Variants in NTM observed in about 807,000 individuals in gnomAD.
The protein encoded by NTM is IgLON family member 2.
A neutral mutation model predicts 42.1 loss-of-function variants in NTM; 13 were observed. The ratio of observed to expected loss-of-function variants is 0.31; its 90% confidence interval spans 0.20 to 0.49. NTM has a LOEUF of 0.49. NTM is among the 20% of genes least tolerant of loss of function. The pLI, the probability that NTM is intolerant of heterozygous loss-of-function variation, is 0.99. For synonymous variants in NTM, 187 were observed against 179.2 expected (o/e 1.04, Z -0.35); for missense variants, 373 against 452.8 (o/e 0.82, Z 1.60).
At chr11:132,225,548 G>T (rs1458035289) in intron 4 of NTM, among the ~76,000 whole-genome samples, 3 of 152,194 alleles carry the variant, frequency 2.0e-5, no homozygotes, top group Non-Finnish European at 2.9e-5. Context: ...GCTCAGGGAA[G>T]TGATGTAGGA....
At chr11:132,092,994 T>C (rs1388718402) in intron 2 of NTM, among the ~76,000 whole-genome samples, 2 of 152,220 alleles carry the variant, frequency 1.3e-5, no homozygotes, top group Non-Finnish European at 2.9e-5. Flanking sequence ...CAATTCATTC[T>C]CCATGCTGCA....
chr11:131,809,011 T>C (rs892996), intron 1 of NTM, among the ~76,000 whole-genome samples: 124,562 of 152,216 alleles, frequency 0.82, 51,522 homozygotes, highest in African/African-American at 0.92. Context: ...AGACTTTTTA[T>C]GAACTGGAAA....
intron 1 of NTM, among the ~76,000 whole-genome samples, chr11:131,635,358 T>C (rs2064223363): frequency 6.6e-6 from 1 of 152,180 alleles, no homozygotes; most frequent in South Asian, 2.1e-4. Flanking sequence ...GACAGTGATA[T>C]TGATGATCCT....
chr11:131,814,996 T>C (rs2092891707), intron 1 of NTM, among the ~76,000 whole-genome samples: 1 of 152,152 alleles, frequency 6.6e-6, no homozygotes, highest in South Asian at 2.1e-4. Context: ...TTGATCTTCT[T>C]CATTTTGCCC....
intron 4 of NTM, among the ~76,000 whole-genome samples, chr11:132,277,332 G>A (rs1422209550): frequency 6.6e-6 from 1 of 152,106 alleles, no homozygotes; most frequent in Non-Finnish European, 1.5e-5. Flanking sequence ...CTAAGAAAAG[G>A]TTGCTTCAAA....
chr11:132,249,816 A>G (rs1402810375), intron 4 of NTM, among the ~76,000 whole-genome samples: 1 of 152,166 alleles, frequency 6.6e-6, no homozygotes, highest in Non-Finnish European at 1.5e-5. Flanking sequence ...CAATGTTTTT[A>G]CCTTCCCCCC....
intron 2 of NTM, among the ~76,000 whole-genome samples, chr11:132,081,641 A>G (rs1007100004): frequency 4.0e-5 from 6 of 151,432 alleles, no homozygotes; most frequent in African/African-American, 1.5e-4. Context: ...CCGAGGCAGG[A>G]GAATGGCGTG....
At chr11:131,557,838 G>C (rs1224505363) in intron 1 of NTM, among the ~76,000 whole-genome samples, 1 of 152,064 alleles carries the variant, frequency 6.6e-6, no homozygotes, top group East Asian at 1.9e-4. Flanking sequence ...GCTTACAATT[G>C]GAATATCAAA....
chr11:131,923,211 A>G (rs1337407060), intron 2 of NTM, among the ~76,000 whole-genome samples: 1 of 152,002 alleles, frequency 6.6e-6, no homozygotes, highest in African/African-American at 2.4e-5. Context: ...TTATTTATGT[A>G]TTTCTCATTT....
intron 1 of NTM, among the ~76,000 whole-genome samples, chr11:131,731,630 C>A (rs947025400): frequency 1.3e-5 from 2 of 152,176 alleles, no homozygotes; most frequent in Admixed American, 1.3e-4. Flanking sequence ...ATACGTTAAT[C>A]TTTTCAATTT....
chr11:131,401,155 A>G (rs1263608219), intron 1 of NTM, among the ~76,000 whole-genome samples: 1 of 152,158 alleles, frequency 6.6e-6, no homozygotes, highest in Non-Finnish European at 1.5e-5. Flanking sequence ...TTTAGCCTTT[A>G]ATTAAAAAAT....
At chr11:132,154,303 T>C (rs1488566386) in intron 3 of NTM, among the ~76,000 whole-genome samples, 1 of 152,128 alleles carries the variant, frequency 6.6e-6, no homozygotes, top group East Asian at 1.9e-4. Context: ...GAAAAGAACA[T>C]GACAAACACC....
chr11:132,179,867 T>C (rs1356451722), intron 3 of NTM, among the ~76,000 whole-genome samples: 5 of 152,184 alleles, frequency 3.3e-5, no homozygotes, highest in African/African-American at 1.2e-4. Context: ...CATAGCAGTT[T>C]AGCATGTGGA....
chr11:131,672,836 CGGTGCCGGGGTGGGGGTGGGGTGTG>C (rs1565404659), intron 1 of NTM, among the ~76,000 whole-genome samples: 2 of 123,164 alleles, frequency 1.6e-5, no homozygotes, highest in African/African-American at 3.3e-5. Context: ...GAGAAGACCA[CGGTGCCGGGGTGGGGGTGGGGTGTG>C]ACCGTGTTCC....
At chr11:131,640,978 C>T (rs189242814) in intron 1 of NTM, among the ~76,000 whole-genome samples, 2 of 152,232 alleles carry the variant, frequency 1.3e-5, no homozygotes, top group Non-Finnish European at 2.9e-5. Context: ...AGTACCAATA[C>T]AAAGGGAATC....
chr11:132,172,964 A>G lies in NTM; in HGVS notation c.400+26450A>G, dbSNP rs1052623111. ...CAGGCAGGATCAATTGTAATACCAAAGGACCAGTATAAAAAGTCATGCAAC... is the reference window on the plus strand; with the variant it reads ...CAGGCAGGATCAATTGTAATACCAAGGGACCAGTATAAAAAGTCATGCAAC... On this transcript the variant is annotated intron_variant, in intron 3 of 8. Transcript: ENST00000683400. Among the ~76,000 whole-genome samples, 4 of 152,238 alleles carry G rather than the reference A, an allele frequency of 2.6e-5. No homozygotes were observed. The East Asian group carries it at 7.7e-4, about 29-fold the overall frequency.
intron 1 of NTM, among the ~76,000 whole-genome samples, chr11:131,657,150 C>CAAA (rs55842346): frequency 3.4e-5 from 5 of 147,910 alleles, no homozygotes; most frequent in African/African-American, 7.5e-5. Context: ...AAGACCAGCC[C>CAAA]AAAAAAAAAA....
intron 3 of NTM, among the ~76,000 whole-genome samples, chr11:132,207,974 G>A (rs1012436090): frequency 6.6e-6 from 1 of 152,086 alleles, no homozygotes; most frequent in African/African-American, 2.4e-5. Flanking sequence ...GGAAAAGGAT[G>A]GTATCTTATT....
At chr11:132,099,363 A>C (rs2136525011) in intron 2 of NTM, among the ~76,000 whole-genome samples, 1 of 152,272 alleles carries the variant, frequency 6.6e-6, no homozygotes, top group Admixed American at 6.5e-5. Context: ...CATGACACAC[A>C]ACTTATTCTT....
Sources: allele counts gnomAD v4.1 joint callset (sites outside exome capture counted in the v4.1 genomes callset), GRCh38; gene constraint gnomAD v4.1.1; transcripts MANE v1.5; gene names NCBI Gene and HGNC (gene_info 2026-07-23, HGNC 2026-07-21).